CEBPZ: variants seen among roughly 807,000 people sequenced by gnomAD.
CEBPZ encodes the protein CCAAT/enhancer-binding protein zeta.
In CEBPZ, 78 loss-of-function variants were observed where a neutral mutation model predicts 104.5. That is an observed-to-expected ratio of 0.75 (90% CI 0.62 to 0.90). The LOEUF is 0.90. Among genes scored for constraint, CEBPZ ranks in the 40% least tolerant of loss-of-function variants. The pLI, the probability that CEBPZ is intolerant of heterozygous loss-of-function variation, is 0.00. For missense variants in CEBPZ, 1,439 were observed against 1,233.5 expected, an observed-to-expected ratio of 1.17 and a Z score of -2.50; for synonymous variants, 470 against 427.0, an observed-to-expected ratio of 1.10 and a Z score of -1.24.
At position 37,231,402 on chromosome 2, in the gene CEBPZ, C is replaced by A; in HGVS notation, c.156+10G>T. 1 of 1,613,668 alleles carries A rather than the reference C, an allele frequency of 6.2e-7. No homozygotes were observed. The highest frequency in any genetic ancestry group is 8.5e-7 in the Non-Finnish European group (1 of 1,179,918). ...GCCTGATCCCGTTCCCCGGAGCCCG[C>A]GGCCGTTACCTTGGTGCCTCCGAGC... On this transcript the variant is annotated intron_variant, in intron 1 of 15. Coordinates refer to ENST00000234170, the MANE Select transcript of CEBPZ (RefSeq NM_005760.3).
chr2:37,208,737 C>G (rs956785167), intron 13 of CEBPZ: 1 of 152,100 alleles, frequency 6.6e-6, no homozygotes, highest in Non-Finnish European at 1.5e-5. Flanking sequence ...TGGAACAAGA[C>G]AAGGATGCCC....
chr2:37,202,512 G>A (rs970394289), intron 15 of CEBPZ: 6 of 260,952 alleles, frequency 2.3e-5, no homozygotes, highest in Non-Finnish European at 4.4e-5. Flanking sequence ...GGGCGTGGTG[G>A]TGCATGCCTG....
intron 5 of CEBPZ, 22 bp from the exon 6 acceptor site, chr2:37,217,059 A>C: frequency 6.3e-7 from 1 of 1,595,044 alleles, no homozygotes; most frequent in Non-Finnish European, 8.6e-7. Flanking sequence ...AATGTGAATA[A>C]TATCAATATT....
chr2:37,210,859 C>T, intron 13 of CEBPZ, 140 bp downstream of exon 13: 2 of 484,306 alleles, frequency 4.1e-6, no homozygotes, highest in Non-Finnish European at 7.2e-6. Flanking sequence ...AAATAATTTC[C>T]ACTTAACATC....
chr2:37,218,891 T>C lies in CEBPZ; in HGVS notation c.2154+1494A>G, dbSNP rs143469085. Among the ~76,000 whole-genome samples, 68 of 152,290 alleles carry C rather than the reference T, an allele frequency of 4.5e-4. No homozygotes were observed. In the East Asian group the frequency reaches 0.012, roughly 26 times the overall value. On this transcript the variant is annotated intron_variant, in intron 5 of 15. Coordinates refer to ENST00000234170, the MANE Select transcript of CEBPZ (RefSeq NM_005760.3). ...TTTCAAAAAAAAGAATTTGTAACATTGTGCATTGGTCATTGGAAAAATACC... is the reference window on the plus strand; with the variant it reads ...TTTCAAAAAAAAGAATTTGTAACATCGTGCATTGGTCATTGGAAAAATACC...
At position 37,228,700 on chromosome 2, in the gene CEBPZ, T is replaced by C; in HGVS notation, c.493A>G (p.Asn165Asp). 1 of 1,614,180 alleles carries C rather than the reference T, an allele frequency of 6.2e-7. No homozygotes were observed. The highest frequency in any genetic ancestry group is 8.5e-7 in the Non-Finnish European group (1 of 1,179,998). Reference protein sequence around the residue: ...TTPKVKKDKQNIFEFFERQTL... With the variant: ...TTPKVKKDKQDIFEFFERQTL... ...TGTCTCTCAAAAAATTCAAAGATGTTCTGTTTATCTTTCTTTACTTTCGGT... is the reference window on the plus strand; with the variant it reads ...TGTCTCTCAAAAAATTCAAAGATGTCCTGTTTATCTTTCTTTACTTTCGGT... The change falls in exon 2 of 16, where the codon AAC (asparagine) becomes GAC (aspartate). Residue 165 changes from asparagine to aspartate, a missense_variant. Asn to Asp is a conservative substitution (Grantham distance 23). Coordinates refer to ENST00000234170, the MANE Select transcript of CEBPZ (RefSeq NM_005760.3).
rs180698380 is a variant in CEBPZ, at chr2:37,213,617, T to C, written c.2545+247A>G. The C allele has an allele frequency of 2.0e-3, 647 of 328,736 alleles. 5 individuals carry two copies. Among genetic ancestry groups the C allele is most frequent in the African/African-American group, 0.013 (595 of 44,626 alleles). 20.4% of individuals were successfully genotyped at this position (328,736 alleles called of 1,614,324 possible). A position where few individuals can be genotyped will look rare whatever the true frequency, so the allele number is the denominator to read the frequency against. On this transcript the variant is annotated intron_variant, in intron 10 of 15. Coordinates refer to ENST00000234170, the MANE Select transcript of CEBPZ (RefSeq NM_005760.3). ...TTAGTAGAGACAGGGTTTCACCATA[T>C]TGGCCAGGCTGGTCTCGAACTCCTG...
chr2:37,201,730 A>G lies in CEBPZ; in HGVS notation c.*34T>C. On this transcript the variant is annotated 3_prime_UTR_variant, in exon 16 of 16. Transcript: ENST00000234170. ...GGTTGAACAGCAAAAATTAGATGTA[A>G]GTAGAATTTTAATCTATAATTTACA... The G allele has an allele frequency of 8.3e-7, 1 of 1,206,376 alleles. No individual in the cohort carries two copies. Among genetic ancestry groups the G allele is most frequent in the Non-Finnish European group, 1.2e-6 (1 of 828,834 alleles). The allele number at this position is 1,206,376 out of a possible 1,614,324, so 74.7% of individuals were successfully genotyped here. A position where few individuals can be genotyped will look rare whatever the true frequency, so the allele number is the denominator to read the frequency against.
chr2:37,207,917 AAAG>A (rs1677593283), intron 13 of CEBPZ, among the ~76,000 whole-genome samples: 1 of 152,196 alleles, frequency 6.6e-6, no homozygotes, highest in Non-Finnish European at 1.5e-5. Flanking sequence ...TTAACCAAAA[AAAG>A]AAGAGAGAAG....
chr2:37,212,172 T>C (rs1415499247), intron 11 of CEBPZ, 133 bp from the exon 12 acceptor site: 4 of 973,318 alleles, frequency 4.1e-6, no homozygotes, highest in Non-Finnish European at 6.1e-6. Context: ...GAGTAAATAA[T>C]AACGTGCTTT....
intron 13 of CEBPZ, 48 bp downstream of exon 13, chr2:37,210,951 C>G: frequency 1.5e-6 from 2 of 1,367,384 alleles, no homozygotes; most frequent in Non-Finnish European, 2.0e-6. Context: ...ATAATGACAC[C>G]TTTCACATGG....
At chr2:37,211,648 A>G in intron 12 of CEBPZ, 195 bp downstream of exon 12, 2 of 498,978 alleles carry the variant, frequency 4.0e-6, no homozygotes, top group Non-Finnish European at 3.5e-6. Context: ...AAGCTGCTTA[A>G]AAGAAAACAC....
chr2:37,223,103 GAAA>G, intron 3 of CEBPZ, 64 bp downstream of exon 3: 1 of 1,348,388 alleles, frequency 7.4e-7, no homozygotes, highest in South Asian at 1.3e-5. Context: ...TTGAAGCAAA[GAAA>G]AACAAAACAA....
intron 9 of CEBPZ, 109 bp from the exon 10 acceptor site, chr2:37,214,070 T>A (rs537942285): frequency 7.8e-6 from 4 of 512,134 alleles, no homozygotes; most frequent in East Asian, 3.5e-5. Flanking sequence ...AAATCTTAAG[T>A]ATACTCAATT....
At chr2:37,201,951 TTGG>T in intron 15 of CEBPZ, 48 bp from the exon 16 acceptor site, 1 of 1,554,016 alleles carries the variant, frequency 6.4e-7, no homozygotes, top group Non-Finnish European at 8.7e-7. Context: ...CTGTAGACTC[TTGG>T]TGGTCCCACA....
chr2:37,221,085 C>G (rs879669741), intron 4 of CEBPZ, among the ~76,000 whole-genome samples: 7 of 152,046 alleles, frequency 4.6e-5, no homozygotes, highest in Admixed American at 3.9e-4. Flanking sequence ...TTTGGGAGGC[C>G]AAGGTGGAAA....
chr2:37,228,028 T>C lies in CEBPZ; in HGVS notation c.1165A>G (p.Asn389Asp), dbSNP rs1225391701. The change falls in exon 2 of 16, where the codon AAT becomes GAT. Residue 389 changes from asparagine to aspartate, a missense_variant. By Grantham distance (23) the Asn-to-Asp change is conservative. Coordinates refer to ENST00000234170, the MANE Select transcript of CEBPZ (RefSeq NM_005760.3). Reference sequence around the variant, plus strand: ...CTGTTCTGAGGATCTCCCAGTTTATTTACCACTTGCACAAGAAGAGCCTTT... The same window carrying C: ...CTGTTCTGAGGATCTCCCAGTTTATCTACCACTTGCACAAGAAGAGCCTTT... ...EEKALLVQVV[N>D]KLGDPQNRIA... The C allele has an allele frequency of 1.9e-6, 3 of 1,614,090 alleles. No homozygotes were observed. Among genetic ancestry groups the C allele is most frequent in the Admixed American group, 3.3e-5 (2 of 60,002 alleles).
chr2:37,224,346 T>C (rs1664834824), intron 2 of CEBPZ, among the ~76,000 whole-genome samples: 1 of 152,234 alleles, frequency 6.6e-6, no homozygotes, highest in Non-Finnish European at 1.5e-5. Context: ...ACACCCAGAA[T>C]TAACACAATC....
intron 5 of CEBPZ, among the ~76,000 whole-genome samples, chr2:37,218,881 T>G (rs1397830167): frequency 2.6e-5 from 4 of 152,162 alleles, no homozygotes; most frequent in Non-Finnish European, 5.9e-5. Flanking sequence ...AAAAAAAGAA[T>G]TTGTAACATT....
Sources: gnomAD v4.1 joint callset for allele counts (sites outside exome capture counted in the v4.1 genomes callset) on GRCh38, gnomAD v4.1.1 for gene constraint, MANE v1.5 for transcripts, NCBI Gene and HGNC (gene_info 2026-07-23, HGNC 2026-07-21) for gene names.